The following KCNT2 variants were observed in gnomAD, a reference collection of about 807,000 sequenced individuals.
The protein encoded by KCNT2 is potassium sodium-activated channel subfamily T member 2.
In KCNT2, 67 loss-of-function variants were observed where a neutral mutation model predicts 153.8. The ratio of observed to expected loss-of-function variants is 0.44; its 90% CI spans 0.36 to 0.53. The LOEUF is 0.53. KCNT2 is among the 20% of genes least tolerant of loss of function. The pLI, the probability that KCNT2 is intolerant of heterozygous loss-of-function variation, is 0.00. For synonymous variants in KCNT2, 500 were observed against 458.8 expected, an observed-to-expected ratio of 1.09 and a Z score of -1.15; for missense variants, 975 against 1,354.8, an observed-to-expected ratio of 0.72 and a Z score of 4.40.
At chr1:196,346,493 G>A (rs775187388) in intron 14 of KCNT2, among the ~76,000 whole-genome samples, 7 of 152,026 alleles carry the variant, frequency 4.6e-5, no homozygotes, top group Non-Finnish European at 8.8e-5. Flanking sequence ...TTTCTAGCCT[G>A]TTAATTGATT....
In KCNT2 at chr1:196,241,468, C is replaced by T. The variant is rs576442199; in HGVS notation, c.3212-5398G>A. Among the ~76,000 whole-genome samples the T allele has an allele frequency of 5.3e-5, 8 of 152,030 alleles. No individual in the cohort carries two copies. The South Asian group carries it at 1.7e-3, about 32-fold the overall frequency. On this transcript the variant is annotated intron_variant, in intron 26 of 27. Transcript: ENST00000294725. ...ATTTCATCTATTGTTACTGAACTGA[C>T]CAGTATATTTGGAGGGTGTGAAAGG...
chr1:196,310,309 A>G (rs966098577), intron 21 of KCNT2, among the ~76,000 whole-genome samples: 3 of 151,938 alleles, frequency 2.0e-5, no homozygotes, highest in Non-Finnish European at 4.4e-5. Flanking sequence ...ACTACTTGGG[A>G]TTTTTGGACT....
At chr1:196,561,658 A>AAAAAAAAAAAAAAC (rs1659413436) in intron 1 of KCNT2, among the ~76,000 whole-genome samples, 1 of 14,600 alleles carries the variant, frequency 6.8e-5, no homozygotes, top group South Asian at 2.2e-3. Flanking sequence ...ATCTCAAAAA[A>AAAAAAAAAAAAAAC]AAAAAAAAAA....
chr1:196,568,265 G>A (rs972553926), intron 1 of KCNT2, among the ~76,000 whole-genome samples: 4 of 152,064 alleles, frequency 2.6e-5, no homozygotes, highest in African/African-American at 9.7e-5. Flanking sequence ...TCCCTTGTAT[G>A]TGCAGTTCAC....
chr1:196,243,950 G>A (rs1167739539), intron 26 of KCNT2, among the ~76,000 whole-genome samples: 1 of 151,892 alleles, frequency 6.6e-6, no homozygotes. Context: ...CCTTCTGCTT[G>A]AGGGGACGAA....
At chr1:196,285,793 C>T (rs1306349649) in intron 22 of KCNT2, 35 bp from the exon 23 acceptor site, 3 of 1,257,214 alleles carry the variant, frequency 2.4e-6, no homozygotes, top group African/African-American at 1.5e-5. Flanking sequence ...AATTTGTGAG[C>T]ATTCCACATT....
intron 14 of KCNT2, among the ~76,000 whole-genome samples, chr1:196,350,480 T>C (rs1012609749): frequency 1.3e-5 from 2 of 152,200 alleles, no homozygotes; most frequent in African/African-American, 4.8e-5. Flanking sequence ...TTTTTTCATG[T>C]GTCTTTTGGC....
At chr1:196,449,816 A>T (rs2148614990) in intron 8 of KCNT2, among the ~76,000 whole-genome samples, 1 of 151,864 alleles carries the variant, frequency 6.6e-6, no homozygotes, top group East Asian at 1.9e-4. Context: ...TAATAAAGAA[A>T]AAAGAATAAA....
At chr1:196,327,826 T>C (rs999581759) in intron 18 of KCNT2, among the ~76,000 whole-genome samples, 2 of 151,766 alleles carry the variant, frequency 1.3e-5, no homozygotes, top group African/African-American at 4.8e-5. Context: ...ACCAGCATGC[T>C]CGACTAATGT....
chr1:196,537,454 CAG>C (rs1248045918), intron 1 of KCNT2, among the ~76,000 whole-genome samples: 2 of 152,208 alleles, frequency 1.3e-5, no homozygotes, highest in African/African-American at 4.8e-5. Context: ...TACCCACCCC[CAG>C]AATGTATCTG....
intron 22 of KCNT2, among the ~76,000 whole-genome samples, chr1:196,295,119 A>T (rs1351891163): frequency 6.6e-6 from 1 of 151,634 alleles, no homozygotes; most frequent in Non-Finnish European, 1.5e-5. Flanking sequence ...TAATCATAAC[A>T]CATTGTAAAT....
intron 14 of KCNT2, among the ~76,000 whole-genome samples, chr1:196,355,153 A>T (rs1159106666): frequency 6.6e-6 from 1 of 151,674 alleles, no homozygotes; most frequent in Non-Finnish European, 1.5e-5. Context: ...TGCAGATAGA[A>T]CTGACTGTAC....
intron 12 of KCNT2, among the ~76,000 whole-genome samples, chr1:196,411,054 ATTCCCTCC>A (rs1468103093): frequency 2.3e-5 from 1 of 44,316 alleles, no homozygotes; most frequent in African/African-American, 9.7e-5. Flanking sequence ...TCCCTCCTCT[ATTCCCTCC>A]TTCCTTCCTT....
chr1:196,439,051 T>C (rs879465809), intron 8 of KCNT2, among the ~76,000 whole-genome samples: 1 of 151,868 alleles, frequency 6.6e-6, no homozygotes, highest in African/African-American at 2.4e-5. Context: ...ATCTCGCCAT[T>C]CACATATTTA....
intron 26 of KCNT2, among the ~76,000 whole-genome samples, chr1:196,243,206 T>C (rs909023015): frequency 3.9e-5 from 6 of 152,204 alleles, no homozygotes; most frequent in Non-Finnish European, 8.8e-5. Context: ...TCTACTTTGA[T>C]ACTAATATAG....
intron 8 of KCNT2, among the ~76,000 whole-genome samples, chr1:196,461,926 A>T (rs1019404300): frequency 6.6e-6 from 1 of 151,704 alleles, no homozygotes; most frequent in East Asian, 1.9e-4. Flanking sequence ...AAAACCATGT[A>T]ACAGCTTTCT....
intron 1 of KCNT2, among the ~76,000 whole-genome samples, chr1:196,550,331 G>A (rs1204427045): frequency 6.6e-6 from 1 of 151,828 alleles, no homozygotes; most frequent in Admixed American, 6.6e-5. Flanking sequence ...CATTTGGATT[G>A]TCTAGATTCT....
chr1:196,556,317 T>A (rs944320678), intron 1 of KCNT2, among the ~76,000 whole-genome samples: 2 of 151,330 alleles, frequency 1.3e-5, no homozygotes, highest in Non-Finnish European at 3.0e-5. Context: ...CATCTAATAA[T>A]TCAATTAAAA....
intron 13 of KCNT2, among the ~76,000 whole-genome samples, chr1:196,375,914 G>C (rs1480500167): frequency 6.6e-6 from 1 of 151,750 alleles, no homozygotes. Context: ...AAAAAGATAT[G>C]ATATAATATT....
Sources: gnomAD v4.1 joint callset for allele counts (sites outside exome capture counted in the v4.1 genomes callset) on GRCh38, gnomAD v4.1.1 for gene constraint, MANE v1.5 for transcripts, NCBI Gene and HGNC (gene_info 2026-07-23, HGNC 2026-07-21) for gene names.